The following WDPCP variants were observed in gnomAD, a reference collection of about 807,000 sequenced individuals.
The protein encoded by WDPCP is WD repeat-containing and planar cell polarity effector protein fritz homolog.
Under a neutral mutation model 93.1 loss-of-function variants are expected in WDPCP, and 71 were observed. The observed-to-expected ratio is 0.76, with a 90% CI of 0.63 to 0.93. The LOEUF (loss-of-function observed/expected upper bound fraction) is 0.93. Among genes scored for constraint, WDPCP ranks in the 40% least tolerant of loss-of-function variants. The probability of loss-of-function intolerance (pLI) is 0.00; values close to 1 mark genes in which losing one functional copy is unlikely to be tolerated. For missense variants in WDPCP, 844 were observed against 887.4 expected (o/e 0.95, Z 0.62); for synonymous variants, 315 against 315.0 (o/e 1.00, Z 0.00).
intron 12 of WDPCP, among the ~76,000 whole-genome samples, chr2:63,342,123 A>C (rs1688886828): frequency 6.6e-6 from 1 of 152,178 alleles, no homozygotes; most frequent in Non-Finnish European, 1.5e-5. Flanking sequence ...TTGCATGTGC[A>C]GTTCACAATA....
At chr2:63,150,400 C>T (rs1671809161) in intron 17 of WDPCP, among the ~76,000 whole-genome samples, 1 of 152,118 alleles carries the variant, frequency 6.6e-6, no homozygotes, top group South Asian at 2.1e-4. Flanking sequence ...ATTCAGTAGA[C>T]AGAGGCCAGG....
intron 2 of WDPCP, among the ~76,000 whole-genome samples, chr2:63,697,404 A>C (rs1668975319): frequency 6.6e-6 from 1 of 152,220 alleles, no homozygotes; most frequent in Admixed American, 6.5e-5. Context: ...GAACTGTTGC[A>C]TAATGACAAA....
At chr2:63,613,060 A>C (rs1439480807) in intron 3 of WDPCP, among the ~76,000 whole-genome samples, 1 of 152,070 alleles carries the variant, frequency 6.6e-6, no homozygotes, top group Non-Finnish European at 1.5e-5. Flanking sequence ...GCCATGTTAA[A>C]GTACTTGGAC....
chr2:63,501,817 T>C (rs1311753401), intron 1 of WDPCP, among the ~76,000 whole-genome samples: 1 of 152,154 alleles, frequency 6.6e-6, no homozygotes, highest in East Asian at 1.9e-4. Flanking sequence ...CATTTCACCA[T>C]GTTGGCCAGG....
chr2:63,443,030 T>C (rs1697605755), intron 6 of WDPCP: 3 of 152,128 alleles, frequency 2.0e-5, no homozygotes, highest in African/African-American at 7.2e-5. Flanking sequence ...TTGGAGACTA[T>C]GGATCCTGCC....
intron 2 of WDPCP, among the ~76,000 whole-genome samples, chr2:63,739,545 T>C (rs1435002494): frequency 1.3e-5 from 2 of 152,124 alleles, no homozygotes; most frequent in Non-Finnish European, 2.9e-5. Flanking sequence ...ATGTACCCAG[T>C]AATGGGATTG....
At chr2:63,458,888 A>C (rs1288795870) in intron 6 of WDPCP, among the ~76,000 whole-genome samples, 2 of 152,192 alleles carry the variant, frequency 1.3e-5, no homozygotes, top group Non-Finnish European at 2.9e-5. Context: ...AGACACATAG[A>C]TCAATGGAAC....
At chr2:63,666,284 G>A (rs1298731410) in intron 2 of WDPCP, among the ~76,000 whole-genome samples, 5 of 152,146 alleles carry the variant, frequency 3.3e-5, no homozygotes, top group African/African-American at 1.2e-4. Context: ...CTCAAATAGA[G>A]CAAATTCAAA....
At chr2:63,279,805 T>C (rs976020513) in intron 13 of WDPCP, among the ~76,000 whole-genome samples, 1 of 152,106 alleles carries the variant, frequency 6.6e-6, no homozygotes, top group Non-Finnish European at 1.5e-5. Context: ...AGCTCTGCTA[T>C]ATACTAACAG....
intron 6 of WDPCP, among the ~76,000 whole-genome samples, chr2:63,465,834 G>C (rs1699314069): frequency 2.0e-5 from 3 of 152,106 alleles, no homozygotes; most frequent in Admixed American, 2.0e-4. Flanking sequence ...GCTTCAAATA[G>C]CTATGACAAC....
chr2:63,575,389 G>A lies in WDPCP; in HGVS notation c.75+12808C>T, dbSNP rs375591044. 8.2e-3 allele frequency among the ~76,000 whole-genome samples: 203 copies of A among 24,900 alleles called. 9 individuals carry two copies. Among genetic ancestry groups the A allele is most frequent in the Admixed American group, 0.015 (28 of 1,876 alleles). The allele number at this position is 24,900 out of a possible 152,430, so 16.3% of individuals were successfully genotyped here. On this transcript the variant is annotated intron_variant, in intron 1 of 17. Coordinates refer to ENST00000272321, the MANE Select transcript of WDPCP (RefSeq NM_015910.7). ...TATACAGTATATACAGTATATACAC[G>A]GTATATACAGTATATATACAGTATA...
intron 2 of WDPCP, among the ~76,000 whole-genome samples, chr2:63,683,767 T>C (rs1478051244): frequency 6.6e-6 from 1 of 151,786 alleles, no homozygotes; most frequent in Non-Finnish European, 1.5e-5. Context: ...GAAAATCGCT[T>C]GAACCCAGGA....
chr2:63,491,219 C>T (rs1446568), intron 2 of WDPCP, among the ~76,000 whole-genome samples: 1 of 151,932 alleles, frequency 6.6e-6, no homozygotes, highest in Non-Finnish European at 1.5e-5. Flanking sequence ...TTTTTTCCCC[C>T]CTTCCTACAT....
intron 14 of WDPCP, among the ~76,000 whole-genome samples, chr2:63,184,332 T>A (rs1674470004): frequency 6.6e-6 from 1 of 152,184 alleles, no homozygotes; most frequent in Non-Finnish European, 1.5e-5. Flanking sequence ...TATAGTTTTG[T>A]GTATTTTTTA....
At chr2:63,731,080 C>T (rs948105782) in intron 2 of WDPCP, among the ~76,000 whole-genome samples, 1 of 152,022 alleles carries the variant, frequency 6.6e-6, no homozygotes, top group Non-Finnish European at 1.5e-5. Context: ...ACAATCCTGG[C>T]AAACATGGTG....
the WDPCP span, among the ~76,000 whole-genome samples, chr2:63,833,107 G>A: frequency 6.6e-6 from 1 of 152,168 alleles, no homozygotes; most frequent in Non-Finnish European, 1.5e-5. Flanking sequence ...ATAAAAACTA[G>A]CCAGGTGTGG....
chr2:63,815,833 C>T (rs1670924773), intron 1 of WDPCP, among the ~76,000 whole-genome samples: 1 of 151,652 alleles, frequency 6.6e-6, no homozygotes, highest in Non-Finnish European at 1.5e-5. Context: ...AGTATCGTAA[C>T]AAAACAAAAG....
rs1168767079 is a variant in WDPCP, at chr2:63,404,331, G to C, written c.1152C>G (p.Ser384Arg). 6.2e-7 allele frequency: 1 copy of C among 1,614,036 alleles called. No homozygotes were observed. The highest frequency in any genetic ancestry group is 8.5e-7 in the Non-Finnish European group (1 of 1,180,022). The change falls in exon 10 of 18, where the codon AGC becomes AGG. Residue 384 changes from serine (S) to arginine (R), a missense_variant. Physicochemically the swap from Ser to Arg is moderately radical, Grantham distance 110. Transcript: ENST00000272321. ...GCAGAATGGCACCACTTGGGTGGCA[G>C]CTTATTAATGAAGGCAAAAGTTCAG... is the stretch of plus-strand genomic sequence containing the variant. ...AQTELLPSLI[S>R]CHPSGAILLV... is the part of the protein sequence containing the mutation.
the WDPCP span, among the ~76,000 whole-genome samples, chr2:63,835,178 G>A: frequency 6.6e-6 from 1 of 151,746 alleles, no homozygotes; most frequent in African/African-American, 2.4e-5. Flanking sequence ...CTTGAGGTCA[G>A]GAGTTTGAGA....
Sources: gnomAD v4.1 joint callset for allele counts (sites outside exome capture counted in the v4.1 genomes callset) on GRCh38, gnomAD v4.1.1 for gene constraint, MANE v1.5 for transcripts, NCBI Gene and HGNC (gene_info 2026-07-23, HGNC 2026-07-21) for gene names.